DAGLB: variants seen among roughly 807,000 people sequenced by gnomAD.
DAGLB encodes the protein diacylglycerol lipase-beta.
DAGLB carries 66 observed loss-of-function variants against 72.1 expected under a neutral mutation model. The ratio of observed to expected loss-of-function variants is 0.92; its 90% confidence interval spans 0.75 to 1.12. The LOEUF is 1.12. Among genes scored for constraint, DAGLB ranks in the 50% most tolerant of loss-of-function variants. The pLI, the probability that DAGLB is intolerant of heterozygous loss-of-function variation, is 0.00. For synonymous variants in DAGLB, 414 were observed against 359.5 expected (o/e 1.15, Z -1.71); for missense variants, 1,065 against 884.9 (o/e 1.20, Z -2.58).
At chr7:6,431,193 A>G (rs1784477827) in intron 5 of DAGLB, among the ~76,000 whole-genome samples, 1 of 151,930 alleles carries the variant, frequency 6.6e-6, no homozygotes, top group Non-Finnish European at 1.5e-5. Flanking sequence ...TAGATGCCTG[A>G]AACTAGTACA....
chr7:6,445,473 TG>T (rs1364871941), intron 2 of DAGLB, among the ~76,000 whole-genome samples: 2 of 152,044 alleles, frequency 1.3e-5, no homozygotes, highest in Non-Finnish European at 2.9e-5. Flanking sequence ...TGGGAGAGTT[TG>T]GGGAAAATGA....
intron 4 of DAGLB, 56 bp downstream of exon 4, chr7:6,434,706 T>C: frequency 1.2e-6 from 2 of 1,605,190 alleles, no homozygotes; most frequent in Non-Finnish European, 8.5e-7. Context: ...ACCGGCTCCA[T>C]CAGAAGCATT....
intron 9 of DAGLB, among the ~76,000 whole-genome samples, chr7:6,419,331 TTCTC>T (rs1453783831): frequency 6.6e-6 from 1 of 152,086 alleles, no homozygotes; most frequent in African/African-American, 2.4e-5. Context: ...CAGATGCCCT[TTCTC>T]TCTCCTGCGA....
At chr7:6,437,693 G>A (rs961257301) in intron 2 of DAGLB, among the ~76,000 whole-genome samples, 2 of 152,154 alleles carry the variant, frequency 1.3e-5, no homozygotes, top group African/African-American at 4.8e-5. Flanking sequence ...CTGTCGCCCA[G>A]GCTGGAGTGC....
chr7:6,435,357 G>A (rs529914804), intron 3 of DAGLB: 16 of 237,972 alleles, frequency 6.7e-5, no homozygotes, highest in Admixed American at 3.0e-4. Context: ...GTGGTGGCAC[G>A]TGCCTGTAGT....
chr7:6,434,790 G>T lies in DAGLB; in HGVS notation c.650C>A (p.Thr217Lys). ...DDHTRVAFSS[T>K]AELFSTYFSD... is the part of the protein sequence containing the mutation. ...AAAGTAGGTTGAGAAAAGCTCTGCC[G>T]TACTCGAAAAAGCAACCCGAGTATG... Residue 217 changes from threonine to lysine, a missense_variant, in exon 4 of 15, where the codon ACG (threonine) becomes AAG (lysine). Physicochemically the swap from Thr to Lys is moderately conservative, Grantham distance 78. Transcript: ENST00000297056. 4 of 1,614,168 alleles carry T rather than the reference G, an allele frequency of 2.5e-6. No homozygotes were observed. The highest frequency in any genetic ancestry group is 3.4e-6 in the Non-Finnish European group (4 of 1,180,034).
intron 1 of DAGLB, among the ~76,000 whole-genome samples, chr7:6,447,134 C>G (rs2115305313): frequency 6.6e-6 from 1 of 152,360 alleles, no homozygotes; most frequent in East Asian, 1.9e-4. Flanking sequence ...CCATGGCGCC[C>G]AGCCAAGAAT....
chr7:6,417,572 A>AT (rs746041994), intron 9 of DAGLB: 124 of 152,274 alleles, frequency 8.1e-4, no homozygotes, highest in Non-Finnish European at 1.2e-3. Context: ...GACTTTTTAC[A>AT]TAACATTTAA....
Position 6,440,827 on chromosome 7 carries a change from C to T in DAGLB, c.248-4294G>A, listed in dbSNP as rs140493818. ...GAGGTTGCAGTGAGCTGAGATCCCA[C>T]CACTGCACTCCAGCCTGGGCAACAG... On this transcript the variant is annotated intron_variant, in intron 2 of 14. Transcript: ENST00000297056. 3.1e-4 allele frequency among the ~76,000 whole-genome samples: 47 copies of T among 152,252 alleles called. 1 individual carries two copies. In the East Asian group the frequency reaches 9.1e-3, roughly 30 times the overall value.
At chr7:6,431,615 T>C (rs1434896263) in intron 5 of DAGLB, among the ~76,000 whole-genome samples, 2 of 151,900 alleles carry the variant, frequency 1.3e-5, no homozygotes, top group African/African-American at 4.8e-5. Flanking sequence ...CTGCTAAAAA[T>C]ACAAAAATTA....
intron 11 of DAGLB, 152 bp downstream of exon 11, chr7:6,416,475 G>A: frequency 2.6e-6 from 3 of 1,134,692 alleles, no homozygotes; most frequent in East Asian, 2.7e-5. Flanking sequence ...CCTGGGAGGT[G>A]GAGCTTGCAG....
intron 9 of DAGLB, among the ~76,000 whole-genome samples, chr7:6,418,726 T>G (rs2115250617): frequency 6.6e-6 from 1 of 151,896 alleles, no homozygotes; most frequent in South Asian, 2.1e-4. Flanking sequence ...GTTCAGTGGC[T>G]CGATCTCGGC....
chr7:6,437,251 A>G (rs1784694799), intron 2 of DAGLB, among the ~76,000 whole-genome samples: 1 of 151,946 alleles, frequency 6.6e-6, no homozygotes, highest in Non-Finnish European at 1.5e-5. Flanking sequence ...AAACAGGGAT[A>G]TATGGTCACC....
chr7:6,431,054 G>A (rs1054287209), intron 5 of DAGLB, among the ~76,000 whole-genome samples: 1 of 152,104 alleles, frequency 6.6e-6, no homozygotes, highest in Non-Finnish European at 1.5e-5. Context: ...GGGAAGCCAG[G>A]CGTGAGCCAC....
chr7:6,440,248 G>C (rs1287249769), intron 2 of DAGLB, among the ~76,000 whole-genome samples: 1 of 151,784 alleles, frequency 6.6e-6, no homozygotes, highest in African/African-American at 2.4e-5. Context: ...GCCAGGTGTG[G>C]TGGTGCATGC....
At chr7:6,447,440 C>G (rs1012028778) in intron 1 of DAGLB, among the ~76,000 whole-genome samples, 6 of 152,170 alleles carry the variant, frequency 3.9e-5, no homozygotes, top group African/African-American at 1.4e-4. Context: ...TCGTGGCACC[C>G]CAGGGCCAGG....
chr7:6,414,496 G>C (rs867182918), intron 11 of DAGLB, among the ~76,000 whole-genome samples: 18 of 150,634 alleles, frequency 1.2e-4, no homozygotes, highest in Non-Finnish European at 2.2e-4. Flanking sequence ...TAAGGAACCG[G>C]GTCTATGTTG....
intron 7 of DAGLB, among the ~76,000 whole-genome samples, chr7:6,425,116 G>A (rs1012639136): frequency 2.6e-5 from 4 of 152,214 alleles, no homozygotes; most frequent in Admixed American, 2.6e-4. Flanking sequence ...GTGCGGCCTG[G>A]ACCTCAGCAG....
At chr7:6,430,340 G>C in intron 6 of DAGLB, 140 bp downstream of exon 6, 1 of 994,514 alleles carries the variant, frequency 1.0e-6, no homozygotes, top group Non-Finnish European at 1.3e-6. Flanking sequence ...CATGTGACCA[G>C]ATGAGTCACA....
Sources: allele counts gnomAD v4.1 joint callset (sites outside exome capture counted in the v4.1 genomes callset), GRCh38; gene constraint gnomAD v4.1.1; transcripts MANE v1.5; gene names NCBI Gene and HGNC (gene_info 2026-07-23, HGNC 2026-07-21).